NEK9: variants seen among roughly 807,000 people sequenced by gnomAD.
NEK9 encodes the protein NIMA related kinase 9.
In NEK9, 75 loss-of-function variants were observed where a neutral mutation model predicts 123.4. That is an observed-to-expected ratio of 0.61 (90% CI 0.50 to 0.74). The LOEUF is 0.74. Among genes scored for constraint, NEK9 ranks in the 30% least tolerant of loss-of-function variants. NEK9 has a pLI of 0.00. For synonymous variants in NEK9, 438 were observed against 458.7 expected, an observed-to-expected ratio of 0.95 and a Z score of 0.58; for missense variants, 952 against 1,214.4, an observed-to-expected ratio of 0.78 and a Z score of 3.21.
Position 75,082,625 on chromosome 14 carries a change from C to A in NEK9, c.*1939G>T. The A allele has an allele frequency of 4.9e-6, 1 of 205,146 alleles. No homozygotes were observed. The highest frequency in any genetic ancestry group is 9.7e-6 in the Non-Finnish European group (1 of 103,052). The allele number at this position is 205,146 out of a possible 1,614,324, so 12.7% of individuals were successfully genotyped here. ...AACAAGACCAGGGCACTCACCCACC[C>A]CCGGCACTCACTTTCACCCCACCTT... On this transcript the variant is annotated 3_prime_UTR_variant, in exon 22 of 22. Coordinates refer to ENST00000238616, the MANE Select transcript of NEK9 (RefSeq NM_033116.6).
intron 17 of NEK9, among the ~76,000 whole-genome samples, chr14:75,096,290 A>G (rs1469708999): frequency 1.3e-5 from 2 of 151,834 alleles, no homozygotes; most frequent in African/African-American, 2.4e-5. Flanking sequence ...AAAAAAAAAA[A>G]AAAAAAAAAA....
chr14:75,113,718 T>C (rs1895035237), intron 7 of NEK9, among the ~76,000 whole-genome samples: 1 of 152,204 alleles, frequency 6.6e-6, no homozygotes, highest in African/African-American at 2.4e-5. Flanking sequence ...GAGATTCTGA[T>C]TGAGTTCGTC....
In NEK9 at chr14:75,082,636, C is replaced by T; in HGVS notation, c.*1928G>A. 4.5e-6 allele frequency: 1 copy of T among 220,470 alleles called. No individual in the cohort carries two copies. The highest frequency in any genetic ancestry group is 8.9e-6 in the Non-Finnish European group (1 of 112,724). The allele number at this position is 220,470 out of a possible 1,614,324, so 13.7% of individuals were successfully genotyped here. On this transcript the variant is annotated 3_prime_UTR_variant, in exon 22 of 22. Transcript: ENST00000238616. Reference sequence around the variant, plus strand: ...GGCACTCACCCACCCCCGGCACTCACTTTCACCCCACCTTCTCAGCAACCT... The same window carrying T: ...GGCACTCACCCACCCCCGGCACTCATTTTCACCCCACCTTCTCAGCAACCT...
chr14:75,086,890 G>A, intron 21 of NEK9, 128 bp downstream of exon 21: 1 of 944,264 alleles, frequency 1.1e-6, no homozygotes. Flanking sequence ...TGGCAACAGA[G>A]CGAGACTCCG....
intron 2 of NEK9, among the ~76,000 whole-genome samples, chr14:75,122,796 T>G (rs1895383652): frequency 7.1e-6 from 1 of 141,600 alleles, no homozygotes; most frequent in African/African-American, 2.7e-5. Context: ...CAGCTTTTTT[T>G]TTTTTTTTTT....
chr14:75,100,220 G>A (rs1476565887), intron 16 of NEK9, among the ~76,000 whole-genome samples: 1 of 141,142 alleles, frequency 7.1e-6, no homozygotes, highest in African/African-American at 2.6e-5. Flanking sequence ...GCCGAGGCAA[G>A]CGGATCACCT....
intron 11 of NEK9, among the ~76,000 whole-genome samples, chr14:75,107,140 T>C (rs1465044895): frequency 6.6e-6 from 1 of 152,110 alleles, no homozygotes; most frequent in East Asian, 1.9e-4. Flanking sequence ...CTCTTCTCTG[T>C]TACCCACCTG....
chr14:75,126,745 G>A lies in NEK9; in HGVS notation c.177C>T (p.Gly59=), dbSNP rs1343272290. ...ELHYIPIRVL[G]RGAFGEATLY... The stretch of plus-strand genomic sequence containing the variant: ...GCGTGGCTTCCCCGAAGGCGCCGCG[G>A]CCCAGGACGCGGATGGGGATGTAGT... The change falls in exon 1 of 22, where the codon GGC becomes GGT. Residue 59 remains glycine, a synonymous_variant. Coordinates refer to ENST00000238616, the MANE Select transcript of NEK9 (RefSeq NM_033116.6). 6.7e-7 allele frequency: 1 copy of A among 1,501,758 alleles called. No homozygotes were observed. Among genetic ancestry groups the A allele is most frequent in the South Asian group, 1.3e-5 (1 of 79,292 alleles). 93.0% of individuals were successfully genotyped at this position (1,501,758 alleles called of 1,614,324 possible). A position where few individuals can be genotyped will look rare whatever the true frequency, so the allele number is the denominator to read the frequency against.
rs1895561486 is a variant in NEK9, at chr14:75,127,006, C to T, written c.-85G>A. 1.7e-6 allele frequency: 2 copies of T among 1,166,014 alleles called. No homozygotes were observed. Among genetic ancestry groups the T allele is most frequent in the African/African-American group, 1.6e-5 (1 of 60,962 alleles). 72.2% of individuals were successfully genotyped at this position (1,166,014 alleles called of 1,614,324 possible). On this transcript the variant is annotated 5_prime_UTR_variant, in exon 1 of 22. Transcript: ENST00000238616. ...GCGTCCCGCTCGCTTCAGATGCCGG[C>T]CCGCGGATCCGTCAGCCCAGCAACC...
At chr14:75,106,427 G>T in intron 12 of NEK9, 75 bp downstream of exon 12, 2 of 1,244,798 alleles carry the variant, frequency 1.6e-6, no homozygotes, top group Non-Finnish European at 2.4e-6. Flanking sequence ...GCTGCATGAT[G>T]GGTTTAGATG....
intron 16 of NEK9, among the ~76,000 whole-genome samples, chr14:75,098,346 A>C (rs1386698130): frequency 6.6e-6 from 1 of 152,120 alleles, no homozygotes; most frequent in Non-Finnish European, 1.5e-5. Flanking sequence ...GGTGGCTATT[A>C]ATCATTAAGC....
intron 10 of NEK9, among the ~76,000 whole-genome samples, chr14:75,108,495 A>G (rs1199376422): frequency 6.9e-6 from 1 of 145,668 alleles, no homozygotes; most frequent in African/African-American, 2.6e-5. Flanking sequence ...TATTTTATAT[A>G]TATATGTGTG....
rs34648344 is a variant in NEK9 at position 75,091,449 on chromosome 14, C to T, written c.2263G>A (p.Gly755Ser). 20,804 of 1,602,766 alleles carry T rather than the reference C, an allele frequency of 0.013. 207 individuals carry two copies. The highest frequency in any genetic ancestry group is 0.048 in the Admixed American group (2,850 of 59,298). The change falls in exon 19 of 22, where the codon GGC becomes AGC. Residue 755 changes from glycine (G) to serine (S), a missense_variant. Gly to Ser is a moderately conservative substitution (Grantham distance 56, BLOSUM62 0). Transcript: ENST00000238616. Reference protein sequence around the residue: ...VFQSSSPGGGGGGGGGEEEDS... With the variant: ...VFQSSSPGGGSGGGGGEEEDS... ...TCTTCTTCACCACCGCCGCCCCCGC[C>T]GCCTCCTCCCGGGCTAGAGCTCTGA...
chr14:75,107,305 A>T (rs1894811053), intron 11 of NEK9, 38 bp downstream of exon 11: 3 of 1,599,546 alleles, frequency 1.9e-6, no homozygotes, highest in Admixed American at 3.5e-5. Context: ...ATACCCCCAC[A>T]TTAAATGCAC....
chr14:75,108,279 C>T (rs1052220870), intron 10 of NEK9, among the ~76,000 whole-genome samples: 8 of 152,154 alleles, frequency 5.3e-5, no homozygotes, highest in African/African-American at 1.9e-4. Context: ...TGCCCGCCAC[C>T]ACGCCTGGCT....
At chr14:75,084,736 CAGA>C (rs1317305097) in intron 21 of NEK9, 50 bp from the exon 22 acceptor site, 3 of 1,612,544 alleles carry the variant, frequency 1.9e-6, no homozygotes, top group East Asian at 2.2e-5. Flanking sequence ...CACCTAGTCA[CAGA>C]AGTAGTTCAG....
intron 9 of NEK9, 50 bp from the exon 10 acceptor site, chr14:75,109,927 C>G (rs547701436): frequency 6.5e-7 from 1 of 1,528,824 alleles, no homozygotes; most frequent in African/African-American, 1.4e-5. Flanking sequence ...AAAACAATAT[C>G]AAAGAAAAAT....
Position 75,109,894 on chromosome 14 carries a change from G to C in NEK9, c.990-17C>G, listed in dbSNP as rs772166993. The C allele has an allele frequency of 6.3e-7, 1 of 1,579,420 alleles. No homozygotes were observed. The highest frequency in any genetic ancestry group is 8.6e-7 in the Non-Finnish European group (1 of 1,166,158). ...GTGCTTGACCTGCCAACAACCCCCA[G>C]AACAAAGGAACATTTAACATTAAAA... On this transcript the variant is annotated splice_polypyrimidine_tract_variant and intron_variant, in intron 9 of 21. Coordinates refer to ENST00000238616, the MANE Select transcript of NEK9 (RefSeq NM_033116.6).
Position 75,101,007 on chromosome 14 carries a change from T to C in NEK9, c.1987A>G (p.Ile663Val), listed in dbSNP as rs1156264573. Reference protein sequence around the residue: ...IRVSCGDEFTIAATDDNHIFA... With the variant: ...IRVSCGDEFTVAATDDNHIFA... ...ACAGACTCACCATCAGTGGCAGCAA[T>C]GGTAAACTCATCACCGCAGGAGACC... The change falls in exon 16 of 22, where the codon ATT becomes GTT. Residue 663 changes from isoleucine (I) to valine (V), a missense_variant. By Grantham distance (29) the Ile-to-Val change is conservative. Transcript: ENST00000238616. 3.1e-6 allele frequency: 5 copies of C among 1,614,126 alleles called. No homozygotes were observed. The highest frequency in any genetic ancestry group is 4.2e-6 in the Non-Finnish European group (5 of 1,179,996).
Sources: gnomAD v4.1 joint callset for allele counts (sites outside exome capture counted in the v4.1 genomes callset) on GRCh38, gnomAD v4.1.1 for gene constraint, MANE v1.5 for transcripts, NCBI Gene and HGNC (gene_info 2026-07-23, HGNC 2026-07-21) for gene names.